The following RYK variants were observed in gnomAD, a reference collection of about 807,000 sequenced individuals.
RYK encodes the protein receptor like tyrosine kinase.
RYK carries 21 observed loss-of-function variants against 70.2 expected under a neutral mutation model. The ratio of observed to expected loss-of-function variants is 0.30; its 90% CI spans 0.21 to 0.43. RYK has a LOEUF of 0.43. RYK is among the 20% of genes least tolerant of loss of function. RYK has a pLI of 1.00. For missense variants in RYK, 604 were observed against 753.3 expected, an observed-to-expected ratio of 0.80 and a Z score of 2.32; for synonymous variants, 267 against 278.0, an observed-to-expected ratio of 0.96 and a Z score of 0.39.
At chr3:134,165,086 A>C in intron 13 of RYK, among the ~76,000 whole-genome samples, 1 of 152,234 alleles carries the variant, frequency 6.6e-6, no homozygotes, top group East Asian at 1.9e-4. Flanking sequence ...AATTTCTCTC[A>C]GCAATGTATT....
At chr3:134,184,961 C>CA (rs34543975) in intron 9 of RYK, among the ~76,000 whole-genome samples, 2,285 of 79,946 alleles carry the variant, frequency 0.029, 30 homozygotes, top group South Asian at 0.044. Flanking sequence ...CCCATCTCTA[C>CA]AAAAAAAAAA....
intron 6 of RYK, among the ~76,000 whole-genome samples, chr3:134,196,540 C>T (rs774050897): frequency 1.3e-5 from 2 of 151,358 alleles, no homozygotes; most frequent in Non-Finnish European, 2.9e-5. Context: ...AGGAGTTTGA[C>T]GCCAGCCTGG....
rs938020403 is a variant in RYK at position 134,203,004 on chromosome 3, A to G, written c.644-130T>C. On this transcript the variant is annotated intron_variant, in intron 5 of 14. Transcript: ENST00000623711. ...TTGTAAGATCAGTTACCAGTAGCATATTGGTGGAAGTTCACATAATTTTTT... is the reference window on the plus strand; with the variant it reads ...TTGTAAGATCAGTTACCAGTAGCATGTTGGTGGAAGTTCACATAATTTTTT... 6 of 709,974 alleles carry G rather than the reference A, an allele frequency of 8.5e-6. No individual in the cohort carries two copies. The Admixed American group carries it at 9.8e-5, about 12-fold the overall frequency. 44.0% of individuals were successfully genotyped at this position (709,974 alleles called of 1,614,324 possible).
chr3:134,170,454 G>T (rs1470340106), intron 13 of RYK: 1 of 152,236 alleles, frequency 6.6e-6, no homozygotes, highest in East Asian at 1.9e-4. Flanking sequence ...GTCATGCCCT[G>T]TGCTGCCCAG....
intron 1 of RYK, among the ~76,000 whole-genome samples, chr3:134,241,783 C>G (rs1334959018): frequency 6.6e-6 from 1 of 152,194 alleles, no homozygotes; most frequent in Non-Finnish European, 1.5e-5. Flanking sequence ...TGACCTACAG[C>G]AAATTCTGTT....
At chr3:134,181,353 C>T (rs556259229) in intron 10 of RYK, 9 of 152,148 alleles carry the variant, frequency 5.9e-5, no homozygotes, top group Non-Finnish European at 1.2e-4. Context: ...CCCTTGGTTG[C>T]CGAGAAGCTA....
intron 13 of RYK, among the ~76,000 whole-genome samples, chr3:134,173,352 T>A (rs557864769): frequency 1.2e-3 from 179 of 152,268 alleles, no homozygotes; most frequent in African/African-American, 4.0e-3. Flanking sequence ...TTTATCAAAA[T>A]ACTTGGTATG....
At chr3:134,217,246 C>A (rs2014584670) in intron 2 of RYK, among the ~76,000 whole-genome samples, 1 of 152,220 alleles carries the variant, frequency 6.6e-6, no homozygotes, top group South Asian at 2.1e-4. Flanking sequence ...CCTTAAAAAG[C>A]AAGAACCGAG....
intron 1 of RYK, among the ~76,000 whole-genome samples, chr3:134,233,732 C>A (rs2015126820): frequency 6.6e-6 from 1 of 152,104 alleles, no homozygotes; most frequent in Non-Finnish European, 1.5e-5. Context: ...TCTTTGAAGA[C>A]AGGTTTTAAT....
chr3:134,173,077 T>C (rs2012975174), intron 13 of RYK, among the ~76,000 whole-genome samples: 1 of 152,104 alleles, frequency 6.6e-6, no homozygotes, highest in Non-Finnish European at 1.5e-5. Flanking sequence ...TTATCTTGAG[T>C]TAAAACAAAG....
chr3:134,206,250 C>T (rs1016541006), intron 5 of RYK, among the ~76,000 whole-genome samples: 1 of 152,160 alleles, frequency 6.6e-6, no homozygotes, highest in African/African-American at 2.4e-5. Flanking sequence ...GAGTACCTAC[C>T]ATCTATGGAC....
At chr3:134,172,614 A>G (rs1464109782) in intron 13 of RYK, among the ~76,000 whole-genome samples, 1 of 152,218 alleles carries the variant, frequency 6.6e-6, no homozygotes, top group Non-Finnish European at 1.5e-5. Flanking sequence ...AAAATATAAA[A>G]ATCAAAACCA....
intron 1 of RYK, among the ~76,000 whole-genome samples, chr3:134,234,509 G>T (rs1431965062): frequency 6.6e-6 from 1 of 152,012 alleles, no homozygotes; most frequent in Non-Finnish European, 1.5e-5. Flanking sequence ...AAAATTATTG[G>T]GTTACCCATG....
intron 10 of RYK, chr3:134,180,133 C>T (rs150046333): frequency 2.8e-4 from 43 of 152,070 alleles, no homozygotes; most frequent in African/African-American, 1.0e-3. Context: ...TTGTTGAGGG[C>T]GTTTGCAGAG....
At chr3:134,193,705 CTAT>C (rs1307776241) in intron 7 of RYK, among the ~76,000 whole-genome samples, 2 of 152,148 alleles carry the variant, frequency 1.3e-5, no homozygotes, top group African/African-American at 2.4e-5. Flanking sequence ...AGAGTAGCTG[CTAT>C]TATTATTTCC....
chr3:134,187,738 T>G (rs906175900), intron 9 of RYK, among the ~76,000 whole-genome samples: 1 of 150,430 alleles, frequency 6.6e-6, no homozygotes, highest in African/African-American at 2.5e-5. Flanking sequence ...TTTTTTTTTT[T>G]GTAGAGACGG....
intron 6 of RYK, among the ~76,000 whole-genome samples, chr3:134,200,326 A>G (rs1420530431): frequency 6.6e-6 from 1 of 152,088 alleles, no homozygotes; most frequent in Non-Finnish European, 1.5e-5. Context: ...CTCCGGATGC[A>G]CCACCTTTAA....
chr3:134,167,495 A>G (rs1195735472), intron 13 of RYK, among the ~76,000 whole-genome samples: 1 of 152,248 alleles, frequency 6.6e-6, no homozygotes, highest in African/African-American at 2.4e-5. Context: ...AGAAATGGGG[A>G]AAGGATTCCC....
intron 1 of RYK, among the ~76,000 whole-genome samples, chr3:134,232,119 T>C (rs1391633880): frequency 6.6e-6 from 1 of 152,208 alleles, no homozygotes; most frequent in Non-Finnish European, 1.5e-5. Context: ...CTCTTTACAA[T>C]TAACAACAGC....
Sources: gnomAD v4.1 joint callset for allele counts (sites outside exome capture counted in the v4.1 genomes callset) on GRCh38, gnomAD v4.1.1 for gene constraint, MANE v1.5 for transcripts, NCBI Gene and HGNC (gene_info 2026-07-23, HGNC 2026-07-21) for gene names.